Variants in CDH2 observed in about 807,000 individuals in gnomAD.
The protein encoded by CDH2 is cadherin 2.
CDH2 carries 17 observed loss-of-function variants against 92.0 expected under a neutral mutation model. That is an observed-to-expected ratio of 0.18 (90% CI 0.13 to 0.28). CDH2 has a LOEUF of 0.28. Among genes scored for constraint, CDH2 ranks in the 10% least tolerant of loss-of-function variants. The pLI is 1.00. For synonymous variants in CDH2, 419 were observed against 415.9 expected (o/e 1.01, Z -0.09); for missense variants, 862 against 1,133.1 (o/e 0.76, Z 3.44).
chr18:27,989,976 T>A, intron 10 of CDH2, 121 bp downstream of exon 10: 1 of 797,552 alleles, frequency 1.3e-6, no homozygotes, highest in Non-Finnish European at 2.0e-6. Flanking sequence ...TTTTAAATTA[T>A]CTTTTAATAA....
At chr18:28,071,524 A>T (rs1188856545) in intron 2 of CDH2, among the ~76,000 whole-genome samples, 1 of 152,152 alleles carries the variant, frequency 6.6e-6, no homozygotes, top group Non-Finnish European at 1.5e-5. Context: ...CCAGGACTGC[A>T]CAAGTCAGAC....
At chr18:28,130,150 A>G (rs1333797737) in intron 2 of CDH2, among the ~76,000 whole-genome samples, 1 of 152,214 alleles carries the variant, frequency 6.6e-6, no homozygotes, top group Non-Finnish European at 1.5e-5. Context: ...GTTTCAATAA[A>G]TATTAGTCAG....
At chr18:28,043,461 A>ATAT (rs2013990816) in intron 2 of CDH2, among the ~76,000 whole-genome samples, 10 of 71,980 alleles carry the variant, frequency 1.4e-4, no homozygotes, top group African/African-American at 2.3e-4. Context: ...GATATAAATA[A>ATAT]ATATATATAT....
intron 2 of CDH2, among the ~76,000 whole-genome samples, chr18:28,024,728 T>A (rs1177444841): frequency 6.6e-6 from 1 of 151,524 alleles, no homozygotes. Context: ...TTGAAAGGAG[T>A]TTTTTTCTAA....
In CDH2 at chr18:28,004,747, T is replaced by A. The variant is rs540865343; in HGVS notation, c.847+1102A>T. Among the ~76,000 whole-genome samples, 23 of 152,324 alleles carry A rather than the reference T, an allele frequency of 1.5e-4. 1 individual carries two copies. Among genetic ancestry groups the A allele is most frequent in the African/African-American group, 5.3e-4 (22 of 41,570 alleles). On this transcript the variant is annotated intron_variant, in intron 6 of 15. Transcript: ENST00000269141. Reference sequence around the variant, plus strand: ...GCTTTAATTTTACTGTATTTTAAAATACTGAAGAAAGCTACTCTGACGATG... The same window carrying A: ...GCTTTAATTTTACTGTATTTTAAAAAACTGAAGAAAGCTACTCTGACGATG...
intron 2 of CDH2, among the ~76,000 whole-genome samples, chr18:28,087,384 G>C (rs1424793071): frequency 6.6e-6 from 1 of 152,146 alleles, no homozygotes; most frequent in African/African-American, 2.4e-5. Flanking sequence ...CAGTAACCAG[G>C]TTAAAATACT....
At chr18:27,964,522 T>C (rs566877529) in intron 14 of CDH2, among the ~76,000 whole-genome samples, 1 of 152,320 alleles carries the variant, frequency 6.6e-6, no homozygotes, top group African/African-American at 2.4e-5. Flanking sequence ...CAAGCATAGA[T>C]GTAGTTATGC....
At chr18:28,161,580 G>GAAAAAA (rs35615619) in intron 1 of CDH2, among the ~76,000 whole-genome samples, 2 of 49,774 alleles carry the variant, frequency 4.0e-5, no homozygotes, top group Non-Finnish European at 8.0e-5. Context: ...ACCCTGTCTC[G>GAAAAAA]AAAAAAAAAA....
chr18:28,047,988 A>C (rs2014115339), intron 2 of CDH2, among the ~76,000 whole-genome samples: 1 of 152,052 alleles, frequency 6.6e-6, no homozygotes, highest in Non-Finnish European at 1.5e-5. Flanking sequence ...GGGGAGCTAC[A>C]GTAAACTTCT....
intron 7 of CDH2, among the ~76,000 whole-genome samples, chr18:27,997,325 A>C (rs538451068): frequency 5.3e-5 from 8 of 152,202 alleles, no homozygotes; most frequent in Admixed American, 2.0e-4. Flanking sequence ...GCAATGGAGT[A>C]TTTACTTGGG....
intron 2 of CDH2, among the ~76,000 whole-genome samples, chr18:28,087,278 A>G (rs1208312128): frequency 6.6e-6 from 1 of 152,216 alleles, no homozygotes; most frequent in South Asian, 2.1e-4. Context: ...AGCATGATAA[A>G]GCATAAAGCG....
chr18:28,114,313 A>G (rs1324149501), intron 2 of CDH2, among the ~76,000 whole-genome samples: 1 of 152,122 alleles, frequency 6.6e-6, no homozygotes, highest in Non-Finnish European at 1.5e-5. Flanking sequence ...GTAGCCCATG[A>G]ATATGTACAA....
At chr18:28,128,432 C>T (rs1354259403) in intron 2 of CDH2, among the ~76,000 whole-genome samples, 1 of 152,162 alleles carries the variant, frequency 6.6e-6, no homozygotes. Flanking sequence ...CGGTGACTCA[C>T]ACCTTAATCC....
At chr18:27,960,379 C>T (rs2011369717) in intron 15 of CDH2, among the ~76,000 whole-genome samples, 1 of 152,208 alleles carries the variant, frequency 6.6e-6, no homozygotes. Context: ...ACAGGAAGAA[C>T]ATCTTGTAGA....
intron 7 of CDH2, among the ~76,000 whole-genome samples, chr18:27,997,190 C>T (rs2012611200): frequency 6.6e-6 from 1 of 152,184 alleles, no homozygotes; most frequent in Non-Finnish European, 1.5e-5. Context: ...TCAGCATTTA[C>T]CAATTAAAAT....
intron 15 of CDH2, chr18:27,954,378 T>C (rs1909606518): frequency 6.6e-6 from 1 of 152,242 alleles, no homozygotes; most frequent in Non-Finnish European, 1.5e-5. Flanking sequence ...AGGGTTTACT[T>C]TCCCAACCAC....
chr18:28,086,293 A>G (rs1181323995), intron 2 of CDH2, among the ~76,000 whole-genome samples: 1 of 152,152 alleles, frequency 6.6e-6, no homozygotes, highest in African/African-American at 2.4e-5. Flanking sequence ...CCTTTCCAAC[A>G]TTAGAACTCT....
Position 28,098,994 on chromosome 18 carries a change from A to C in CDH2, c.172+48679T>G, listed in dbSNP as rs538497372. Among the ~76,000 whole-genome samples, 14 of 152,298 alleles carry C rather than the reference A, an allele frequency of 9.2e-5. No homozygotes were observed. The East Asian group carries it at 2.7e-3, about 29-fold the overall frequency. ...GGGGAAAAACTGGATGGATTTAAGTAATCTATAAACAGAAGTCTCTCCATG... is the reference window on the plus strand; with the variant it reads ...GGGGAAAAACTGGATGGATTTAAGTCATCTATAAACAGAAGTCTCTCCATG... On this transcript the variant is annotated intron_variant, in intron 2 of 15. Coordinates refer to ENST00000269141, the MANE Select transcript of CDH2 (RefSeq NM_001792.5).
At chr18:28,056,413 T>C (rs1203620667) in intron 2 of CDH2, among the ~76,000 whole-genome samples, 10 of 152,198 alleles carry the variant, frequency 6.6e-5, no homozygotes, top group African/African-American at 2.4e-5. Flanking sequence ...TTTTAGGTAA[T>C]TGGCCTAGGA....
Sources: allele counts gnomAD v4.1 joint callset (sites outside exome capture counted in the v4.1 genomes callset), GRCh38; gene constraint gnomAD v4.1.1; transcripts MANE v1.5; gene names NCBI Gene and HGNC (gene_info 2026-07-23, HGNC 2026-07-21).